Variants in INSYN2A observed in about 807,000 individuals in gnomAD.
INSYN2A encodes family with sequence similarity 196 member A.
A neutral mutation model predicts 39.4 loss-of-function variants in INSYN2A; 17 were observed. The observed-to-expected ratio is 0.43, with a 90% confidence interval of 0.30 to 0.65. The LOEUF (loss-of-function observed/expected upper bound fraction) is 0.65, where lower values mean the gene tolerates loss of function less well. Ranked by LOEUF, INSYN2A falls within the 30% of genes least tolerant of loss-of-function variation. The pLI is 0.14. For missense variants in INSYN2A, 595 were observed against 631.2 expected, an observed-to-expected ratio of 0.94 and a Z score of 0.61; for synonymous variants, 255 against 265.7, an observed-to-expected ratio of 0.96 and a Z score of 0.39.
At chr10:127,182,396 G>A (rs1228791682) in intron 2 of INSYN2A, among the ~76,000 whole-genome samples, 1 of 152,136 alleles carries the variant, frequency 6.6e-6, no homozygotes, top group Non-Finnish European at 1.5e-5. Context: ...GAACAAAGGA[G>A]GGCAAGCATG....
chr10:127,195,397 C>T (rs2057039864), intron 1 of INSYN2A, among the ~76,000 whole-genome samples: 1 of 152,210 alleles, frequency 6.6e-6, no homozygotes, highest in Non-Finnish European at 1.5e-5. Context: ...GACCCCAACC[C>T]GCAGCCCCGG....
chr10:127,177,607 C>T (rs1003549194), intron 2 of INSYN2A, among the ~76,000 whole-genome samples: 10 of 152,166 alleles, frequency 6.6e-5, no homozygotes, highest in South Asian at 2.1e-4. Flanking sequence ...GACATGGGCC[C>T]GTGAGAGCTG....
At position 127,186,517 on chromosome 10, in the gene INSYN2A, C is replaced by CCCA. The variant is rs2056272085; in HGVS notation, c.-269+6087_-269+6088insTGG. The stretch of plus-strand genomic sequence containing the variant: ...AGCATGGGAGAAACCGCCCCCCCGC[C>CCCA]CCCCCCCGATCCAGTTACCTCCACC... On this transcript the variant is annotated intron_variant, in intron 2 of 5. Transcript: ENST00000522781. Among the ~76,000 whole-genome samples, 2 of 70,300 alleles carry CCCA rather than the reference C, an allele frequency of 2.8e-5. 1 individual carries two copies. Among genetic ancestry groups the CCCA allele is most frequent in the African/African-American group, 8.9e-5 (2 of 22,484 alleles). 46.1% of individuals were successfully genotyped at this position (70,300 alleles called of 152,430 possible). A position where few individuals can be genotyped will look rare whatever the true frequency, so the allele number is the denominator to read the frequency against.
chr10:127,141,955 C>T (rs373513783), intron 5 of INSYN2A, among the ~76,000 whole-genome samples: 3 of 152,228 alleles, frequency 2.0e-5, no homozygotes, highest in East Asian at 1.9e-4. Flanking sequence ...TCCCATGCCA[C>T]GGTCCCCTCC....
chr10:127,183,004 A>G (rs188255889), intron 2 of INSYN2A, among the ~76,000 whole-genome samples: 1 of 151,520 alleles, frequency 6.6e-6, no homozygotes, highest in Non-Finnish European at 1.5e-5. Flanking sequence ...TCTCACTCAC[A>G]TGAAAACACA....
chr10:127,151,773 T>C (rs1457967024), intron 5 of INSYN2A, among the ~76,000 whole-genome samples: 3 of 152,210 alleles, frequency 2.0e-5, no homozygotes, highest in Non-Finnish European at 4.4e-5. Context: ...ATTCCTGTGG[T>C]GCTTGGTCAC....
intron 2 of INSYN2A, among the ~76,000 whole-genome samples, chr10:127,186,621 G>A (rs1004448407): frequency 2.7e-5 from 4 of 150,298 alleles, no homozygotes; most frequent in Admixed American, 6.7e-5. Flanking sequence ...GAGCCAAACC[G>A]TATCAGAGGG....
At chr10:127,169,880 A>G (rs1335615432) in intron 4 of INSYN2A, among the ~76,000 whole-genome samples, 2 of 152,126 alleles carry the variant, frequency 1.3e-5, no homozygotes, top group African/African-American at 2.4e-5. Context: ...GGTACAGGAT[A>G]CCACACTTCG....
chr10:127,175,479 G>T lies in INSYN2A; in HGVS notation c.917C>A (p.Ala306Asp). 2 of 1,609,364 alleles carry T rather than the reference G, an allele frequency of 1.2e-6. No individual in the cohort carries two copies. Among genetic ancestry groups the T allele is most frequent in the South Asian group, 1.1e-5 (1 of 91,080 alleles). The change falls in exon 4 of 6, where the codon GCC (alanine) becomes GAC (aspartate). Residue 306 changes from alanine (A) to aspartate (D), a missense_variant. By Grantham distance (126) the Ala-to-Asp change is moderately radical. Around this residue, in one of 2 missense-constraint regions of INSYN2A, gnomAD observed 478 missense variants for 467.4 expected, o/e 1.02. Coordinates refer to ENST00000522781, the MANE Select transcript of INSYN2A (RefSeq NM_001039762.3). The surrounding 1 kb of genome is among the most constrained non-coding windows in gnomAD (Gnocchi z 6.3). Reference sequence around the variant, plus strand: ...CAGGCACTGCATCGGGGGTGAGCAGGCCAGGGCAGTTTCCGAGGGCGCCTG... The same window carrying T: ...CAGGCACTGCATCGGGGGTGAGCAGTCCAGGGCAGTTTCCGAGGGCGCCTG... Reference protein sequence around the residue: ...GLQAPSETALACSPPMQCLSP... With the variant: ...GLQAPSETALDCSPPMQCLSP...
intron 4 of INSYN2A, among the ~76,000 whole-genome samples, chr10:127,166,021 T>C (rs570763936): frequency 1.3e-5 from 2 of 152,312 alleles, no homozygotes; most frequent in African/African-American, 4.8e-5. Context: ...CAGACTTGCA[T>C]TAGCAAAAAA....
At chr10:127,193,732 T>C (rs2056907760) in intron 1 of INSYN2A, among the ~76,000 whole-genome samples, 2 of 152,188 alleles carry the variant, frequency 1.3e-5, no homozygotes, top group African/African-American at 4.8e-5. Flanking sequence ...GTCTTTCTCT[T>C]ATTTATTGAT....
At chr10:127,154,353 C>T (rs2052819239) in intron 4 of INSYN2A, among the ~76,000 whole-genome samples, 1 of 152,224 alleles carries the variant, frequency 6.6e-6, no homozygotes, top group Non-Finnish European at 1.5e-5. Context: ...AGGCCAAATC[C>T]CGCCGGGGCC....
At chr10:127,174,961 A>G (rs1262717381) in intron 4 of INSYN2A, among the ~76,000 whole-genome samples, 1 of 152,234 alleles carries the variant, frequency 6.6e-6, no homozygotes, top group Non-Finnish European at 1.5e-5. Flanking sequence ...AATTCATTCT[A>G]AGCATAGGTA....
intron 2 of INSYN2A, among the ~76,000 whole-genome samples, chr10:127,180,913 T>G (rs969244643): frequency 1.3e-5 from 2 of 152,208 alleles, no homozygotes; most frequent in Non-Finnish European, 2.9e-5. Context: ...TCGGAGAGAT[T>G]TATTTTTCCT....
In INSYN2A at chr10:127,145,594, A is replaced by C. The variant is rs12269246; in HGVS notation, c.1257-7574T>G. ...CGTGGCCAACCCAACCCTGAGTGGG[A>C]TCCCATGACCCAGGGCCATCACCTT... On this transcript the variant is annotated intron_variant, in intron 5 of 5. Transcript: ENST00000522781. Among the ~76,000 whole-genome samples, 1,004 of 152,230 alleles carry C rather than the reference A, an allele frequency of 6.6e-3. 4 individuals carry two copies. Among genetic ancestry groups the C allele is most frequent in the Admixed American group, 0.012 (177 of 15,288 alleles).
At chr10:127,190,682 C>G (rs11016703) in intron 2 of INSYN2A, among the ~76,000 whole-genome samples, 2,029 of 41,726 alleles carry the variant, frequency 0.049, 153 homozygotes, top group East Asian at 0.37. Context: ...CCCCCCCCCC[C>G]CGTTCCTGCT....
At chr10:127,170,555 T>C (rs2054474397) in intron 4 of INSYN2A, among the ~76,000 whole-genome samples, 1 of 152,214 alleles carries the variant, frequency 6.6e-6, no homozygotes, top group African/African-American at 2.4e-5. Flanking sequence ...ATGTTTGGCG[T>C]AGGAAATCTA....
chr10:127,176,426 T>G lies in INSYN2A; in HGVS notation c.-5-26A>C, dbSNP rs767960034. The G allele has an allele frequency of 6.4e-7, 1 of 1,558,070 alleles. No individual in the cohort carries two copies. Among genetic ancestry groups the G allele is most frequent in the Non-Finnish European group, 8.7e-7 (1 of 1,150,450 alleles). On this transcript the variant is annotated intron_variant, in intron 3 of 5. Transcript: ENST00000522781. The surrounding 1 kb of genome is among the most constrained non-coding windows in gnomAD (Gnocchi z 4.4). ...CTGCATTCAGAAACAGCAACAGAGG[T>G]GTCAGTGGGACAGAAATACACACTC...
intron 5 of INSYN2A, among the ~76,000 whole-genome samples, chr10:127,152,883 A>G (rs1168880050): frequency 2.0e-5 from 3 of 152,168 alleles, no homozygotes; most frequent in African/African-American, 7.2e-5. Flanking sequence ...CCTGGGCCCT[A>G]TCTGGGATGC....
Sources: allele counts gnomAD v4.1 joint callset (sites outside exome capture counted in the v4.1 genomes callset), GRCh38; gene constraint gnomAD v4.1.1; regional missense constraint gnomAD v4.1.1; non-coding constraint Gnocchi (gnomAD v3.1); transcripts MANE v1.5; gene names NCBI Gene and HGNC (gene_info 2026-07-23, HGNC 2026-07-21).